Variants in TBC1D8 observed in about 807,000 individuals in gnomAD.
TBC1D8 encodes TBC1 domain family member 8.
In TBC1D8, 65 loss-of-function variants were observed where a neutral mutation model predicts 118.8. That is an observed-to-expected ratio of 0.55 (90% CI 0.45 to 0.67). TBC1D8 has a LOEUF of 0.67. TBC1D8 is among the 30% of genes least tolerant of loss of function. The probability of loss-of-function intolerance (pLI) is 0.00; values close to 1 mark genes in which losing one functional copy is unlikely to be tolerated. For synonymous variants in TBC1D8, 566 were observed against 595.8 expected (o/e 0.95, Z 0.73); for missense variants, 1,376 against 1,471.2 (o/e 0.94, Z 1.06).
intron 2 of TBC1D8, among the ~76,000 whole-genome samples, chr2:101,072,587 T>G (rs1230988095): frequency 2.6e-5 from 4 of 152,098 alleles, no homozygotes; most frequent in Non-Finnish European, 5.9e-5. Context: ...ATGAAACTGT[T>G]CCACCTCGGA....
chr2:101,119,287 C>T (rs1677995816), intron 1 of TBC1D8, among the ~76,000 whole-genome samples: 1 of 152,076 alleles, frequency 6.6e-6, no homozygotes, highest in Non-Finnish European at 1.5e-5. Flanking sequence ...AACATGAAGC[C>T]CCCTCCAGCC....
intron 1 of TBC1D8, among the ~76,000 whole-genome samples, chr2:101,122,071 CT>C (rs544230458): frequency 0.21 from 27,988 of 130,890 alleles, 2,980 homozygotes; most frequent in African/African-American, 0.29. Flanking sequence ...ATTTCTTTTT[CT>C]TTTTTTTTTT....
chr2:101,028,282 T>TG (rs1171281270), intron 13 of TBC1D8, 21 bp downstream of exon 13: 1 of 1,593,150 alleles, frequency 6.3e-7, no homozygotes, highest in Admixed American at 1.7e-5. Flanking sequence ...CAACGGGGCA[T>TG]GGGGCGGGGG....
chr2:101,011,140 C>A, intron 18 of TBC1D8, 114 bp from the exon 19 acceptor site: 1 of 1,007,092 alleles, frequency 9.9e-7, no homozygotes, highest in Non-Finnish European at 1.5e-6. Flanking sequence ...TAAGCAAATT[C>A]CATACAAAAC....
chr2:101,033,407 C>T lies in TBC1D8; in HGVS notation c.1818+137G>A, dbSNP rs149025635. The T allele has an allele frequency of 3.0e-4, 312 of 1,038,128 alleles. 1 individual carries two copies. In the East Asian group the frequency reaches 6.9e-3, roughly 23 times the overall value. 64.3% of individuals were successfully genotyped at this position (1,038,128 alleles called of 1,614,324 possible). ...TGGCCCTCATTTGATACTTTCTTTC[C>T]GGAAAGGGACCGAGTACAGCGCCTT... On this transcript the variant is annotated intron_variant, in intron 10 of 19. Coordinates refer to ENST00000409318, the MANE Select transcript of TBC1D8 (RefSeq NM_001330348.2).
At chr2:101,008,551 C>T (rs1558962802) in intron 19 of TBC1D8, among the ~76,000 whole-genome samples, 1 of 152,070 alleles carries the variant, frequency 6.6e-6, no homozygotes, top group Non-Finnish European at 1.5e-5. Flanking sequence ...ACAGTGGCTC[C>T]CGCCTGTAAT....
chr2:101,115,353 A>G (rs1425911480), intron 1 of TBC1D8, among the ~76,000 whole-genome samples: 4 of 152,352 alleles, frequency 2.6e-5, no homozygotes, highest in African/African-American at 7.2e-5. Context: ...TTACTTCCTC[A>G]GACTCATGGA....
intron 1 of TBC1D8, among the ~76,000 whole-genome samples, chr2:101,140,627 T>A (rs944534122): frequency 4.6e-5 from 7 of 152,168 alleles, no homozygotes; most frequent in African/African-American, 1.7e-4. Flanking sequence ...GCAAGGCTCA[T>A]GAGAAACACA....
intron 1 of TBC1D8, among the ~76,000 whole-genome samples, chr2:101,150,268 TCTC>T (rs1473737262): frequency 6.6e-6 from 1 of 152,110 alleles, no homozygotes; most frequent in African/African-American, 2.4e-5. Flanking sequence ...GCCTCTGTCT[TCTC>T]CTCAGTAGAA....
chr2:101,145,950 C>T (rs538016851), intron 1 of TBC1D8, among the ~76,000 whole-genome samples: 7 of 152,326 alleles, frequency 4.6e-5, no homozygotes, highest in African/African-American at 1.7e-4. Flanking sequence ...TGTTTTTACA[C>T]CTTTATTCTC....
chr2:101,043,138 C>A (rs1452712333), intron 5 of TBC1D8, among the ~76,000 whole-genome samples: 1 of 152,214 alleles, frequency 6.6e-6, no homozygotes, highest in African/African-American at 2.4e-5. Context: ...ACAACGGGTC[C>A]AGTTCCTGGG....
rs1440798950 is a variant in TBC1D8 at position 101,038,560 on chromosome 2, G to A, written c.1176C>T (p.Leu392=). The change falls in exon 7 of 20, where the codon CTC becomes CTT. Residue 392 remains leucine, a synonymous_variant. Coordinates refer to ENST00000409318, the MANE Select transcript of TBC1D8 (RefSeq NM_001330348.2). ...CCTCCACCAGGCTGTCTCGGTCCCG[G>A]AGCTCAATGAACTGGAAGGCCACCT... ...RSKVAFQFIE[L]RDRDSLVEAL... The A allele has an allele frequency of 6.2e-7, 1 of 1,613,814 alleles. No individual in the cohort carries two copies. The highest frequency in any genetic ancestry group is 1.7e-5 in the Admixed American group (1 of 60,004).
chr2:101,011,076 A>G, intron 18 of TBC1D8, 50 bp from the exon 19 acceptor site: 1 of 1,572,978 alleles, frequency 6.4e-7, no homozygotes, highest in Middle Eastern at 1.7e-4. Context: ...AAATTCAGTG[A>G]CAGCAAAAAG....
intron 1 of TBC1D8, among the ~76,000 whole-genome samples, chr2:101,110,355 C>T (rs1677514429): frequency 6.6e-6 from 1 of 152,174 alleles, no homozygotes; most frequent in South Asian, 2.1e-4. Flanking sequence ...AATAATAGTA[C>T]CATAGCACAA....
At chr2:101,027,791 A>C (rs1019740853) in intron 14 of TBC1D8, among the ~76,000 whole-genome samples, 5 of 152,188 alleles carry the variant, frequency 3.3e-5, no homozygotes, top group African/African-American at 1.2e-4. Flanking sequence ...TATAGACCCC[A>C]ACCTCATTTA....
chr2:101,009,030 G>A (rs1678969699), intron 19 of TBC1D8, among the ~76,000 whole-genome samples: 1 of 152,178 alleles, frequency 6.6e-6, no homozygotes, highest in South Asian at 2.1e-4. Context: ...TGCTGAAATT[G>A]AGAATACGTA....
At chr2:101,032,038 T>C (rs774498679) in intron 11 of TBC1D8, among the ~76,000 whole-genome samples, 1 of 152,252 alleles carries the variant, frequency 6.6e-6, no homozygotes, top group Non-Finnish European at 1.5e-5. Flanking sequence ...CCCGACTCTG[T>C]AGGTCTTTAT....
intron 2 of TBC1D8, among the ~76,000 whole-genome samples, chr2:101,060,743 C>T (rs1000994192): frequency 5.9e-5 from 9 of 152,272 alleles, no homozygotes; most frequent in East Asian, 1.9e-4. Flanking sequence ...ACAAAAGGCA[C>T]GTGGGCATCA....
intron 2 of TBC1D8, among the ~76,000 whole-genome samples, chr2:101,078,618 C>T (rs1274009945): frequency 4.0e-5 from 6 of 150,762 alleles, no homozygotes; most frequent in Non-Finnish European, 8.8e-5. Context: ...TCAAGAAGGG[C>T]AAAACTTCAG....
Sources: allele counts gnomAD v4.1 joint callset (sites outside exome capture counted in the v4.1 genomes callset), GRCh38; gene constraint gnomAD v4.1.1; transcripts MANE v1.5; gene names NCBI Gene and HGNC (gene_info 2026-07-23, HGNC 2026-07-21).